The following RNF144A variants were observed in gnomAD, a reference collection of about 807,000 sequenced individuals.
RNF144A encodes the protein E3 ubiquitin-protein ligase RNF144A.
In RNF144A, 11 loss-of-function variants were observed where a neutral mutation model predicts 38.7. The ratio of observed to expected loss-of-function variants is 0.28; its 90% confidence interval spans 0.18 to 0.47. The LOEUF is 0.47. Ranked by LOEUF, RNF144A falls within the 20% of genes least tolerant of loss-of-function variation. The pLI is 0.99. For missense variants in RNF144A, 316 were observed against 377.2 expected (o/e 0.84, Z 1.34); for synonymous variants, 149 against 143.9 (o/e 1.04, Z -0.25).
intron 2 of RNF144A, among the ~76,000 whole-genome samples, chr2:6,985,935 A>G (rs1572339686): frequency 6.6e-6 from 1 of 152,184 alleles, no homozygotes. Flanking sequence ...CGGCCTCCCA[A>G]AATGCTAGGA....
chr2:7,009,387 A>G (rs1214856399), intron 3 of RNF144A, among the ~76,000 whole-genome samples: 1 of 152,202 alleles, frequency 6.6e-6, no homozygotes, highest in Non-Finnish European at 1.5e-5. Context: ...CATGACCTGA[A>G]GCAGCTGACT....
rs753453024 is a variant in RNF144A, at chr2:7,043,668, T to C, written c.*3908T>C. 164 of 985,734 alleles carry C rather than the reference T, an allele frequency of 1.7e-4. No homozygotes were observed. The highest frequency in any genetic ancestry group is 2.0e-4 in the Non-Finnish European group (162 of 829,942). 61.1% of individuals were successfully genotyped at this position (985,734 alleles called of 1,614,324 possible). On this transcript the variant is annotated 3_prime_UTR_variant, in exon 9 of 9. Transcript: ENST00000320892. Reference sequence around the variant, plus strand: ...CAAAGGGGCCTGCGTTAAAACCTAATTGCTAATGCTTCACAACTAGGAGAG... The same window carrying C: ...CAAAGGGGCCTGCGTTAAAACCTAACTGCTAATGCTTCACAACTAGGAGAG...
At chr2:7,020,433 G>C in intron 5 of RNF144A, 40 bp from the exon 6 acceptor site, 1 of 1,583,034 alleles carries the variant, frequency 6.3e-7, no homozygotes, top group East Asian at 2.2e-5. Flanking sequence ...ATGACCCTCT[G>C]GCTTAAGTTT....
At chr2:6,969,062 A>G (rs987496756) in intron 2 of RNF144A, among the ~76,000 whole-genome samples, 5 of 152,238 alleles carry the variant, frequency 3.3e-5, no homozygotes, top group African/African-American at 1.2e-4. Flanking sequence ...TTGGGGCTAA[A>G]TATCAGTAGT....
At chr2:7,029,145 GTGTT>G (rs1672111719) in intron 7 of RNF144A, among the ~76,000 whole-genome samples, 2 of 152,252 alleles carry the variant, frequency 1.3e-5, no homozygotes, top group Admixed American at 6.5e-5. Flanking sequence ...ATTGGGCCCT[GTGTT>G]TGTTTGTTCT....
intron 7 of RNF144A, among the ~76,000 whole-genome samples, chr2:7,029,509 G>A (rs1450321189): frequency 6.6e-6 from 1 of 152,238 alleles, no homozygotes; most frequent in African/African-American, 2.4e-5. Context: ...AGGATGGTCT[G>A]AGAAGATGCA....
At chr2:7,003,753 C>CCCTGTA (rs1670266193) in intron 3 of RNF144A, among the ~76,000 whole-genome samples, 2 of 152,238 alleles carry the variant, frequency 1.3e-5, no homozygotes, top group Admixed American at 1.3e-4. Context: ...TGAGCAAAGC[C>CCCTGTA]TGCGAGAGGG....
At chr2:6,998,603 G>T (rs1158429933) in intron 3 of RNF144A, among the ~76,000 whole-genome samples, 1 of 152,190 alleles carries the variant, frequency 6.6e-6, no homozygotes, top group Non-Finnish European at 1.5e-5. Context: ...CAATACTGTA[G>T]TTGCCATCCA....
At position 6,961,435 on chromosome 2, in the gene RNF144A, C is replaced by A. The variant is rs796391776; in HGVS notation, c.-12+20288C>A. 9.9e-5 allele frequency among the ~76,000 whole-genome samples: 15 copies of A among 150,896 alleles called. 1 individual carries two copies. The highest frequency in any genetic ancestry group is 3.6e-4 in the African/African-American group (15 of 41,142). On this transcript the variant is annotated intron_variant, in intron 2 of 8. Coordinates refer to ENST00000320892, the MANE Select transcript of RNF144A (RefSeq NM_014746.6). ...AGAATGTGAACTACTCTTTTACAGA[C>A]CTGCACTGAGTGCCTTCTGTGTCCA...
At chr2:6,946,930 A>T (rs1452763835) in intron 2 of RNF144A, among the ~76,000 whole-genome samples, 1 of 152,186 alleles carries the variant, frequency 6.6e-6, no homozygotes. Context: ...TTTTGTGGGA[A>T]GATCTGCTGA....
intron 1 of RNF144A, chr2:6,918,670 A>T (rs1017697402): frequency 2.4e-4 from 34 of 139,750 alleles, no homozygotes; most frequent in African/African-American, 8.4e-4. Context: ...AGGCTGAGGC[A>T]GGAGAATGGC....
At chr2:7,005,275 G>A (rs1670365830) in intron 3 of RNF144A, among the ~76,000 whole-genome samples, 1 of 152,192 alleles carries the variant, frequency 6.6e-6, no homozygotes, top group African/African-American at 2.4e-5. Flanking sequence ...TTAGGCACTA[G>A]GAGGCTGTCT....
At chr2:6,918,937 G>A (rs1340529849) in intron 1 of RNF144A, among the ~76,000 whole-genome samples, 5 of 152,168 alleles carry the variant, frequency 3.3e-5, no homozygotes, top group Admixed American at 2.0e-4. Context: ...AAGAGCCTGG[G>A]AAGAAAACAC....
At chr2:7,002,366 G>T (rs927261418) in intron 3 of RNF144A, among the ~76,000 whole-genome samples, 23 of 152,198 alleles carry the variant, frequency 1.5e-4, no homozygotes, top group Non-Finnish European at 2.8e-4. Flanking sequence ...TGTGGGCTGC[G>T]ATCATTTGGG....
chr2:7,019,312 CTGGT>C (rs1671354926), intron 5 of RNF144A, among the ~76,000 whole-genome samples: 1 of 152,222 alleles, frequency 6.6e-6, no homozygotes, highest in South Asian at 2.1e-4. Context: ...TAACTTCCTG[CTGGT>C]CCCGTGGCAA....
chr2:6,956,375 A>G (rs1451124670), intron 2 of RNF144A, among the ~76,000 whole-genome samples: 1 of 152,228 alleles, frequency 6.6e-6, no homozygotes, highest in Non-Finnish European at 1.5e-5. Context: ...CAAGAGAGTC[A>G]GAGGTGCCTC....
chr2:7,019,417 G>A (rs1453947998), intron 5 of RNF144A, among the ~76,000 whole-genome samples: 2 of 152,232 alleles, frequency 1.3e-5, no homozygotes, highest in Non-Finnish European at 2.9e-5. Flanking sequence ...AGGCGAGCGG[G>A]AGCTGCCCGG....
chr2:6,931,707 C>G (rs1342146192), intron 1 of RNF144A, among the ~76,000 whole-genome samples: 1 of 152,110 alleles, frequency 6.6e-6, no homozygotes, highest in South Asian at 2.1e-4. Flanking sequence ...TAGAGGTGTG[C>G]TGTTTAATCT....
intron 2 of RNF144A, among the ~76,000 whole-genome samples, chr2:6,953,321 C>T (rs1044042944): frequency 2.6e-5 from 4 of 152,004 alleles, no homozygotes; most frequent in East Asian, 1.9e-4. Flanking sequence ...CCCAGCTACT[C>T]GGGAGGCTGA....
Sources: allele counts gnomAD v4.1 joint callset (sites outside exome capture counted in the v4.1 genomes callset), GRCh38; gene constraint gnomAD v4.1.1; transcripts MANE v1.5; gene names NCBI Gene and HGNC (gene_info 2026-07-23, HGNC 2026-07-21).